The following DNAH14 variants were observed in gnomAD, a reference collection of about 807,000 sequenced individuals.
DNAH14 encodes the protein dynein axonemal heavy chain 14.
Under a neutral mutation model 520.9 loss-of-function variants are expected in DNAH14, and 478 were observed. The observed-to-expected ratio is 0.92, with a 90% CI of 0.85 to 0.99. The LOEUF (loss-of-function observed/expected upper bound fraction) is 0.99, where lower values mean the gene tolerates loss of function less well. Ranked by LOEUF, DNAH14 falls within the 50% of genes least tolerant of loss-of-function variation. DNAH14 has a pLI of 0.00. For missense variants in DNAH14, 4,831 were observed against 5,234.5 expected, an observed-to-expected ratio of 0.92 and a Z score of 2.38; for synonymous variants, 1,581 against 1,757.2, an observed-to-expected ratio of 0.90 and a Z score of 2.51.
At chr1:225,193,947 C>T (rs10915795) in intron 38 of DNAH14, among the ~76,000 whole-genome samples, 4,140 of 151,926 alleles carry the variant, frequency 0.027, 161 homozygotes, top group African/African-American at 0.081. Context: ...TCTCATTCAC[C>T]GTAGCCACAA....
intron 60 of DNAH14, among the ~76,000 whole-genome samples, chr1:225,309,448 T>C (rs1396424031): frequency 6.6e-6 from 1 of 152,196 alleles, no homozygotes; most frequent in Non-Finnish European, 1.5e-5. Flanking sequence ...CCTCGTGTCC[T>C]CAGTGTTAAG....
chr1:224,940,357 G>A (rs1271694971), intron 1 of DNAH14, among the ~76,000 whole-genome samples: 1 of 152,138 alleles, frequency 6.6e-6, no homozygotes, highest in African/African-American at 2.4e-5. Context: ...AGGAGAAATA[G>A]ACCCCACTTT....
At chr1:225,330,745 CA>C (rs2094778721) in intron 64 of DNAH14, among the ~76,000 whole-genome samples, 1 of 152,068 alleles carries the variant, frequency 6.6e-6, no homozygotes, top group Non-Finnish European at 1.5e-5. Flanking sequence ...TACGTGATAG[CA>C]CAACAGGGTG....
intron 12 of DNAH14, among the ~76,000 whole-genome samples, chr1:225,041,976 C>T (rs2067520279): frequency 6.6e-6 from 1 of 152,148 alleles, no homozygotes; most frequent in African/African-American, 2.4e-5. Flanking sequence ...GCAACCATCA[C>T]CACTTTCCAT....
intron 34 of DNAH14, among the ~76,000 whole-genome samples, chr1:225,156,737 C>T (rs1332644450): frequency 1.7e-5 from 1 of 58,406 alleles, no homozygotes; most frequent in East Asian, 1.6e-3. Context: ...TTTTTTGAGA[C>T]GGAGTCTCGC....
chr1:225,381,447 TAA>T lies in DNAH14; in HGVS notation c.12946_12947del (p.Lys4316ValfsTer7), dbSNP rs1490181827. On this transcript the variant is annotated frameshift_variant, in exon 81 of 86. Coordinates refer to ENST00000682510, the MANE Select transcript of DNAH14 (RefSeq NM_001367479.1). LOFTEE classifies it high-confidence loss of function. Reference sequence around the variant, plus strand: ...TGAAGCAAGAAATTAAACGATTTGATAAGTTATTATTTGTCATACATAAATCC... The same window carrying T: ...TGAAGCAAGAAATTAAACGATTTGATGTTATTATTTGTCATACATAAATCC... The part of the protein sequence containing the change: ...FLKQEIKRFD[K>X]LLFVIHKSLK... The T allele has an allele frequency of 9.0e-6, 14 of 1,550,864 alleles. No individual in the cohort carries two copies. In the East Asian group the frequency reaches 2.4e-4, roughly 27 times the overall value.
At position 225,100,807 on chromosome 1, in the gene DNAH14, A is replaced by C; in HGVS notation, c.3790A>C (p.Ile1264Leu). The change falls in exon 23 of 86, where the codon ATA becomes CTA. Residue 1264 changes from isoleucine to leucine, a missense_variant. Transcript: ENST00000682510. ...KIQNKQNALQ[I>L]TTSAGVLEIL... ...ACAAAACAAACAGAATGCTTTGCAG[A>C]TAACCACTTCTGCAGGAGTCCTTGA... 1 of 1,539,626 alleles carries C rather than the reference A, an allele frequency of 6.5e-7. No homozygotes were observed. The highest frequency in any genetic ancestry group is 1.4e-5 in the African/African-American group (1 of 72,482).
At chr1:224,997,097 T>G (rs901322280) in intron 8 of DNAH14, among the ~76,000 whole-genome samples, 2 of 152,130 alleles carry the variant, frequency 1.3e-5, no homozygotes, top group African/African-American at 4.8e-5. Context: ...TACCTCAGAT[T>G]GTGTACTACT....
chr1:225,169,999 A>C (rs1271319270), intron 36 of DNAH14, among the ~76,000 whole-genome samples: 1 of 152,214 alleles, frequency 6.6e-6, no homozygotes, highest in Non-Finnish European at 1.5e-5. Flanking sequence ...TCAACCCAGA[A>C]TTTCATATCC....
chr1:225,335,827 A>G lies in DNAH14; in HGVS notation c.10081-1439A>G, dbSNP rs1471562758. 1.9e-5 allele frequency among the ~76,000 whole-genome samples: 2 copies of G among 105,916 alleles called. 1 individual carries two copies. The highest frequency in any genetic ancestry group is 3.9e-5 in the Non-Finnish European group (2 of 51,704). 69.5% of individuals were successfully genotyped at this position (105,916 alleles called of 152,430 possible). A position where few individuals can be genotyped will look rare whatever the true frequency, so the allele number is the denominator to read the frequency against. On this transcript the variant is annotated intron_variant, in intron 66 of 85. Transcript: ENST00000682510. ...TATGTACATATATGTACATACACAT[A>G]TGTACATATATGTACATACACATAT... is the stretch of plus-strand genomic sequence containing the variant.
At chr1:225,369,561 T>C (rs1483015611) in intron 77 of DNAH14, among the ~76,000 whole-genome samples, 2 of 151,982 alleles carry the variant, frequency 1.3e-5, no homozygotes, top group Non-Finnish European at 2.9e-5. Flanking sequence ...TATGCAATTA[T>C]TGTGGGAAAT....
intron 61 of DNAH14, among the ~76,000 whole-genome samples, chr1:225,321,170 G>A (rs1356595735): frequency 1.3e-5 from 2 of 152,198 alleles, no homozygotes; most frequent in East Asian, 3.9e-4. Context: ...CAAATGTGAA[G>A]ATGATCTTCA....
chr1:225,137,336 A>ATGT (rs374305176), intron 27 of DNAH14, among the ~76,000 whole-genome samples: 39 of 150,218 alleles, frequency 2.6e-4, no homozygotes, highest in Admixed American at 1.1e-3. Flanking sequence ...TTTTTTGTTG[A>ATGT]TGTTGTTGTT....
intron 84 of DNAH14, among the ~76,000 whole-genome samples, chr1:225,393,587 G>A (rs2095951526): frequency 6.6e-6 from 1 of 152,120 alleles, no homozygotes; most frequent in Non-Finnish European, 1.5e-5. Flanking sequence ...GTCTGTCATT[G>A]GCACAAATGT....
chr1:225,317,864 C>T (rs1368148894), intron 60 of DNAH14, among the ~76,000 whole-genome samples: 1 of 152,144 alleles, frequency 6.6e-6, no homozygotes, highest in Non-Finnish European at 1.5e-5. Context: ...GTTTCTATTA[C>T]AATATGACCT....
rs546902748 is a variant in DNAH14 at position 225,240,470 on chromosome 1, T to G, written c.6519-123T>G. On this transcript the variant is annotated intron_variant, in intron 42 of 85. Transcript: ENST00000682510. ...TACATAAACTCTGAAACTTTTATGT[T>G]AGTACCTAACTGCATTACAATTTTT... 5 of 576,488 alleles carry G rather than the reference T, an allele frequency of 8.7e-6. No individual in the cohort carries two copies. The Admixed American group carries it at 1.7e-4, about 20-fold the overall frequency. The allele number at this position is 576,488 out of a possible 1,614,324, so 35.7% of individuals were successfully genotyped here. A position where few individuals can be genotyped will look rare whatever the true frequency, so the allele number is the denominator to read the frequency against.
chr1:225,088,432 T>C (rs968137366), intron 21 of DNAH14, among the ~76,000 whole-genome samples: 2 of 152,080 alleles, frequency 1.3e-5, no homozygotes, highest in African/African-American at 2.4e-5. Context: ...GAAGAAAAGA[T>C]TGGTGAACTT....
chr1:224,956,040 T>C (rs1393653542), intron 3 of DNAH14, among the ~76,000 whole-genome samples: 4 of 152,078 alleles, frequency 2.6e-5, no homozygotes, highest in African/African-American at 9.7e-5. Context: ...TAAAATAATT[T>C]GTATTTTACT....
rs375258086 is a variant in DNAH14 at position 225,202,310 on chromosome 1, G to T, written c.5887-1873G>T. ...AGGGTGGGTAGGGAAGGACCATTAG[G>T]TGGGGATGAGGCTAGGCGTGTCTGA... On this transcript the variant is annotated intron_variant, in intron 38 of 85. Coordinates refer to ENST00000682510, the MANE Select transcript of DNAH14 (RefSeq NM_001367479.1). Among the ~76,000 whole-genome samples the T allele has an allele frequency of 1.9e-4, 29 of 152,308 alleles. No individual in the cohort carries two copies. In the South Asian group the frequency reaches 5.8e-3, roughly 30 times the overall value.
Sources: gnomAD v4.1 joint callset for allele counts (sites outside exome capture counted in the v4.1 genomes callset) on GRCh38, gnomAD v4.1.1 for gene constraint, MANE v1.5 for transcripts, NCBI Gene and HGNC (gene_info 2026-07-23, HGNC 2026-07-21) for gene names.